SLC9A3: variants seen among roughly 807,000 people sequenced by gnomAD.
The protein encoded by SLC9A3 is solute carrier family 9 member A3.
SLC9A3 carries 37 observed loss-of-function variants against 86.8 expected under a neutral mutation model. That is an observed-to-expected ratio of 0.43 (90% CI 0.33 to 0.56). The LOEUF (loss-of-function observed/expected upper bound fraction) is 0.56, where lower values mean the gene tolerates loss of function less well. SLC9A3 is among the 20% of genes least tolerant of loss of function. SLC9A3 has a pLI of 0.06. For missense variants in SLC9A3, 1,011 were observed against 1,171.9 expected (o/e 0.86, Z 2.00); for synonymous variants, 581 against 528.3 (o/e 1.10, Z -1.37).
intron 1 of SLC9A3, among the ~76,000 whole-genome samples, chr5:493,850 A>C (rs527768860): frequency 3.9e-5 from 6 of 152,250 alleles, no homozygotes; most frequent in Non-Finnish European, 8.8e-5. Flanking sequence ...CACATCCTGC[A>C]CAGATCTGAG....
At position 496,520 on chromosome 5, in the gene SLC9A3, C is replaced by T. The variant is rs1198753662; in HGVS notation, c.212-4449G>A. 1.3e-5 allele frequency among the ~76,000 whole-genome samples: 2 copies of T among 152,248 alleles called. No individual in the cohort carries two copies. The highest frequency in any genetic ancestry group is 2.9e-5 in the Non-Finnish European group (2 of 68,044). ...TTCTTCGTAAGCTGGAAAATCCAGC[C>T]TTTGCTTATGTCTTCAGCGGCAGGT... On this transcript the variant is annotated intron_variant, in intron 1 of 16. Coordinates refer to ENST00000264938, the MANE Select transcript of SLC9A3 (RefSeq NM_004174.4). This position sits in a 1 kb window ranked among gnomAD's most constrained non-coding sequence, Gnocchi z 4.7.
At chr5:521,223 C>A (rs1469809808) in intron 1 of SLC9A3, among the ~76,000 whole-genome samples, 2 of 151,760 alleles carry the variant, frequency 1.3e-5, no homozygotes, top group Admixed American at 1.3e-4. Flanking sequence ...TGTGGGGAGC[C>A]CTTGCCGGAG....
Position 475,549 on chromosome 5 carries a change from C to T in SLC9A3, c.2251+12G>A, listed in dbSNP as rs1257697135. The T allele has an allele frequency of 6.0e-6, 9 of 1,498,564 alleles. No individual in the cohort carries two copies. Among genetic ancestry groups the T allele is most frequent in the South Asian group, 1.2e-5 (1 of 83,046 alleles). The allele number at this position is 1,498,564 out of a possible 1,614,324, so 92.8% of individuals were successfully genotyped here. On this transcript the variant is annotated intron_variant, in intron 15 of 16. Coordinates refer to ENST00000264938, the MANE Select transcript of SLC9A3 (RefSeq NM_004174.4). ...CCCTCCCTTAGCCACGACGCCTGTG[C>T]CCCGTCCCCACCTGCAGGGGAGTCG...
chr5:520,637 T>C (rs548610603), intron 1 of SLC9A3, among the ~76,000 whole-genome samples: 1 of 152,256 alleles, frequency 6.6e-6, no homozygotes, highest in African/African-American at 2.4e-5. Context: ...ACCACGACGC[T>C]AGGTGGGGAC....
At chr5:485,436 T>A (rs1413201439) in intron 3 of SLC9A3, among the ~76,000 whole-genome samples, 1 of 152,240 alleles carries the variant, frequency 6.6e-6, no homozygotes, top group East Asian at 1.9e-4. Flanking sequence ...AAGAATGTTC[T>A]GGAGGGGACC....
intron 1 of SLC9A3, among the ~76,000 whole-genome samples, chr5:493,789 T>C (rs1739902561): frequency 6.6e-6 from 1 of 152,088 alleles, no homozygotes; most frequent in Non-Finnish European, 1.5e-5. Flanking sequence ...GTCCCCACCA[T>C]GTGCCCCACA....
rs1281958281 is a variant in SLC9A3, at chr5:483,778, C to T, written c.933-296G>A. ...CACCTGACCTGTCTCAGGGTGGGCA[C>T]TGCTGTCGGCCCACAGACAATTCAG... On this transcript the variant is annotated intron_variant, in intron 5 of 16. Coordinates refer to ENST00000264938, the MANE Select transcript of SLC9A3 (RefSeq NM_004174.4). Among the ~76,000 whole-genome samples, 5 of 152,390 alleles carry T rather than the reference C, an allele frequency of 3.3e-5. No homozygotes were observed. In the South Asian group the frequency reaches 1.0e-3, roughly 32 times the overall value.
chr5:516,324 G>A (rs1350252058), intron 1 of SLC9A3, among the ~76,000 whole-genome samples: 1 of 151,990 alleles, frequency 6.6e-6, no homozygotes, highest in East Asian at 2.0e-4. Flanking sequence ...TTAAACTGGA[G>A]AGAGCTCCTC....
rs149844697 is a variant in SLC9A3 at position 497,372 on chromosome 5, C to T, written c.212-5301G>A. 1.7e-4 allele frequency among the ~76,000 whole-genome samples: 26 copies of T among 152,274 alleles called. No individual in the cohort carries two copies. Among genetic ancestry groups the T allele is most frequent in the Admixed American group, 1.2e-3 (18 of 15,298 alleles). On this transcript the variant is annotated intron_variant, in intron 1 of 16. Transcript: ENST00000264938. The surrounding 1 kb of genome is among the most constrained non-coding windows in gnomAD (Gnocchi z 5.4). Reference sequence around the variant, plus strand: ...TTTCTCTGCTCCCGGGTCTCAAATCCGGGTTCTTCCCTTGACAGCTGGCGT... The same window carrying T: ...TTTCTCTGCTCCCGGGTCTCAAATCTGGGTTCTTCCCTTGACAGCTGGCGT...
chr5:517,803 T>A (rs977470184), intron 1 of SLC9A3, among the ~76,000 whole-genome samples: 1 of 126,434 alleles, frequency 7.9e-6, no homozygotes, highest in Non-Finnish European at 1.8e-5. Flanking sequence ...AAACCATCCA[T>A]CCATCCAAAC....
rs2126597964 is a variant in SLC9A3, at chr5:473,063, A to C, written c.*316T>G. On this transcript the variant is annotated 3_prime_UTR_variant, in exon 17 of 17. Transcript: ENST00000264938. ...GCAGCGCGGGGCGGCGGCGCGCGCG[A>C]GGCCGCTGGAACGAGCGCCGGCTGT... 1 of 301,380 alleles carries C rather than the reference A, an allele frequency of 3.3e-6. No individual in the cohort carries two copies. The highest frequency in any genetic ancestry group is 6.0e-6 in the Non-Finnish European group (1 of 166,686). 18.7% of individuals were successfully genotyped at this position (301,380 alleles called of 1,614,324 possible).
rs1053247 is a variant in SLC9A3 at position 471,363 on chromosome 5, C to T, written c.*2016G>A. 29,799 of 207,820 alleles carry T rather than the reference C, an allele frequency of 0.14. 2,616 individuals are homozygous for T. The highest frequency in any genetic ancestry group is 0.2 in the Non-Finnish European group (19,670 of 100,264). 12.9% of individuals were successfully genotyped at this position (207,820 alleles called of 1,614,324 possible). ...AGGGTCCAGGGGAGTTGTTCAGCGC[C>T]TGGAATCGCCATGCATTGCGCGGTG... On this transcript the variant is annotated 3_prime_UTR_variant, in exon 17 of 17. Transcript: ENST00000264938.
At chr5:506,178 G>A (rs57372042) in intron 1 of SLC9A3, among the ~76,000 whole-genome samples, 138 of 152,252 alleles carry the variant, frequency 9.1e-4, no homozygotes, top group African/African-American at 2.9e-3. Context: ...GGTCCTGCCC[G>A]CGAAGCCAGG....
chr5:507,094 A>C (rs1384497767), intron 1 of SLC9A3, among the ~76,000 whole-genome samples: 4 of 139,784 alleles, frequency 2.9e-5, no homozygotes, highest in Non-Finnish European at 6.0e-5. Flanking sequence ...ATAAATAAAT[A>C]AATAAATAAA....
chr5:485,980 G>A lies in SLC9A3; in HGVS notation c.676-749C>T, dbSNP rs146266118. ...TCTTGCTTCTCCAGGGACGGGAGCC[G>A]CAGGGCTGCGGGGCACACGGGGCTG... On this transcript the variant is annotated intron_variant, in intron 3 of 16. Transcript: ENST00000264938. 4.6e-3 allele frequency among the ~76,000 whole-genome samples: 696 copies of A among 152,308 alleles called. 6 individuals carry two copies. The highest frequency in any genetic ancestry group is 7.8e-3 in the Non-Finnish European group (531 of 68,030).
chr5:499,178 G>A (rs930209601), intron 1 of SLC9A3, among the ~76,000 whole-genome samples: 1 of 152,264 alleles, frequency 6.6e-6, no homozygotes, highest in Non-Finnish European at 1.5e-5. Flanking sequence ...GCCTCCTCTT[G>A]AACGGCAGTC....
In SLC9A3 at chr5:472,511, C is replaced by G; in HGVS notation, c.*868G>C. ...CGGGCGACCTCCGCGCCAGGTGCGA[C>G]AGCTCAGGCCGGAGACCTCGTCTGT... On this transcript the variant is annotated 3_prime_UTR_variant, in exon 17 of 17. Transcript: ENST00000264938. The G allele has an allele frequency of 3.0e-6, 1 of 335,870 alleles. No homozygotes were observed. The highest frequency in any genetic ancestry group is 5.9e-6 in the Non-Finnish European group (1 of 169,928). 20.8% of individuals were successfully genotyped at this position (335,870 alleles called of 1,614,324 possible).
rs373530964 is a variant in SLC9A3, at chr5:491,794, G to A, written c.489C>T (p.Tyr163=). 1.3e-4 allele frequency: 201 copies of A among 1,572,228 alleles called. No homozygotes were observed. The highest frequency in any genetic ancestry group is 1.6e-4 in the Non-Finnish European group (188 of 1,157,314). Residue 163 remains tyrosine (Y), a synonymous_variant, in exon 2 of 17, where the codon TAC becomes TAT. Transcript: ENST00000264938. The surrounding 1 kb of genome is among the most constrained non-coding windows in gnomAD (Gnocchi z 9.2). ...WNAATTGLSL[Y]GVFLSGLMGD... The stretch of plus-strand genomic sequence containing the variant: ...CCATGAGCCCACTGAGGAAGACGCC[G>A]TAGAGGGACAGCCCGGTGGTGGCCG...
Position 481,588 on chromosome 5 carries a change from G to T in SLC9A3, c.1494C>A (p.Ile498=). Residue 498 remains isoleucine (I), a synonymous_variant, in exon 9 of 17, where the codon ATC becomes ATA. Coordinates refer to ENST00000264938, the MANE Select transcript of SLC9A3 (RefSeq NM_004174.4). ...ACTTGTCTCTGAGATAATTGTGCCC[G>T]ATCTGTCCGGATATGTCCTCGATGG... The part of the protein sequence containing the change: ...LSAIEDISGQ[I]GHNYLRDKWS... 1 of 1,613,954 alleles carries T rather than the reference G, an allele frequency of 6.2e-7. No homozygotes were observed. Among genetic ancestry groups the T allele is most frequent in the Non-Finnish European group, 8.5e-7 (1 of 1,179,876 alleles).
Sources: allele counts gnomAD v4.1 joint callset (sites outside exome capture counted in the v4.1 genomes callset), GRCh38; gene constraint gnomAD v4.1.1; non-coding constraint Gnocchi (gnomAD v3.1); transcripts MANE v1.5; gene names NCBI Gene and HGNC (gene_info 2026-07-23, HGNC 2026-07-21).